STAG1: variants seen among roughly 807,000 people sequenced by gnomAD.
STAG1 encodes the protein cohesin subunit SA-1.
In STAG1, 26 loss-of-function variants were observed where a neutral mutation model predicts 170.9. The ratio of observed to expected loss-of-function variants is 0.15; its 90% CI spans 0.11 to 0.21. The LOEUF is 0.21. Among genes scored for constraint, STAG1 ranks in the 10% least tolerant of loss-of-function variants. The pLI, the probability that STAG1 is intolerant of heterozygous loss-of-function variation, is 1.00. For missense variants in STAG1, 964 were observed against 1,509.5 expected (o/e 0.64, Z 5.99); for synonymous variants, 514 against 497.7 (o/e 1.03, Z -0.44).
chr3:136,399,005 A>C (rs1170920723), intron 21 of STAG1, among the ~76,000 whole-genome samples, 176 bp from the exon 22 acceptor site: 1 of 152,204 alleles, frequency 6.6e-6, no homozygotes, highest in African/African-American at 2.4e-5. Flanking sequence ...AGGACAAACC[A>C]ATGTATCAAT....
At chr3:136,380,305 G>A (rs553590557) in intron 22 of STAG1, among the ~76,000 whole-genome samples, 1 of 151,750 alleles carries the variant, frequency 6.6e-6, no homozygotes, top group Non-Finnish European at 1.5e-5. Flanking sequence ...GCAGTGGTGC[G>A]ATCTTGGCCC....
chr3:136,549,392 C>A (rs1462021128), intron 5 of STAG1, among the ~76,000 whole-genome samples: 8 of 151,930 alleles, frequency 5.3e-5, no homozygotes, highest in Admixed American at 4.6e-4. Flanking sequence ...CTCACTGCAA[C>A]CTCCGTCTCC....
chr3:136,548,896 T>C (rs1471962887), intron 5 of STAG1, among the ~76,000 whole-genome samples: 1 of 152,160 alleles, frequency 6.6e-6, no homozygotes, highest in African/African-American at 2.4e-5. Context: ...GATCTGGTTG[T>C]TTCAAAGTGT....
chr3:136,586,614 G>A (rs886761535), intron 4 of STAG1, among the ~76,000 whole-genome samples: 2 of 152,172 alleles, frequency 1.3e-5, no homozygotes, highest in African/African-American at 2.4e-5. Context: ...TGAAGGCAGT[G>A]AATGCTCTTC....
At chr3:136,676,903 G>A (rs1942143820) in intron 1 of STAG1, among the ~76,000 whole-genome samples, 1 of 151,682 alleles carries the variant, frequency 6.6e-6, no homozygotes. Context: ...TAAGGCACAG[G>A]CATACACATT....
chr3:136,389,351 G>C (rs111915749), intron 22 of STAG1, among the ~76,000 whole-genome samples: 178 of 152,078 alleles, frequency 1.2e-3, no homozygotes, highest in African/African-American at 2.5e-3. Flanking sequence ...ACTCTGTCAC[G>C]CAGGGTGGAG....
At position 136,623,190 on chromosome 3, in the gene STAG1, C is replaced by T. The variant is rs1939942636; in HGVS notation, c.88G>A (p.Glu30Lys). The change falls in exon 3 of 34, where the codon GAG becomes AAG. Residue 30 changes from glutamate (E) to lysine (K), a missense_variant. Around this residue, in one of 11 missense-constraint regions of STAG1, gnomAD observed 108 missense variants for 120.2 expected, o/e 0.90. Coordinates refer to ENST00000383202, the MANE Select transcript of STAG1 (RefSeq NM_005862.3). ...CCCCTTTTTCTTTTTCCTTTGACCTCTGTTTCTTCAAGCTCGCTGCCAGCA... is the reference window on the plus strand; with the variant it reads ...CCCCTTTTTCTTTTTCCTTTGACCTTTGTTTCTTCAAGCTCGCTGCCAGCA... The part of the protein sequence containing the change: ...SDAGSELEET[E>K]VKGKRKRGRP... 1.9e-6 allele frequency: 3 copies of T among 1,613,844 alleles called. No homozygotes were observed. In the African/African-American group the frequency reaches 4.0e-5, roughly 22 times the overall value.
intron 13 of STAG1, among the ~76,000 whole-genome samples, chr3:136,457,519 G>A (rs905692570): frequency 6.6e-6 from 1 of 152,126 alleles, no homozygotes; most frequent in East Asian, 1.9e-4. Context: ...CCCAGAGCTC[G>A]GGGCCTTCGC....
At chr3:136,649,442 G>A (rs1156704085) in intron 1 of STAG1, among the ~76,000 whole-genome samples, 1 of 144,018 alleles carries the variant, frequency 6.9e-6, no homozygotes, top group Non-Finnish European at 1.5e-5. Flanking sequence ...TGGCGCCACT[G>A]TACTCCAGCC....
intron 1 of STAG1, among the ~76,000 whole-genome samples, chr3:136,698,493 CA>C (rs1553768024): frequency 3.0e-5 from 2 of 66,910 alleles, no homozygotes; most frequent in Non-Finnish European, 6.3e-5. Context: ...AAAAAACCAA[CA>C]AACAGAGGAG....
intron 25 of STAG1, among the ~76,000 whole-genome samples, chr3:136,366,581 A>G (rs1937080716): frequency 2.0e-5 from 3 of 152,150 alleles, no homozygotes; most frequent in Admixed American, 6.6e-5. Context: ...AAAAGAGAAC[A>G]TTCTCTCTGA....
intron 1 of STAG1, among the ~76,000 whole-genome samples, chr3:136,734,157 T>C (rs1934207175): frequency 6.6e-6 from 1 of 151,670 alleles, no homozygotes; most frequent in African/African-American, 2.4e-5. Context: ...AAAAAAATTT[T>C]CTGCACACTT....
At chr3:136,345,359 G>T (rs1220185558) in intron 29 of STAG1, among the ~76,000 whole-genome samples, 1 of 152,052 alleles carries the variant, frequency 6.6e-6, no homozygotes, top group Non-Finnish European at 1.5e-5. Context: ...AGAATGCTGG[G>T]ATTACAGGTG....
At chr3:136,600,416 T>C (rs1185374572) in intron 4 of STAG1, among the ~76,000 whole-genome samples, 2 of 152,234 alleles carry the variant, frequency 1.3e-5, no homozygotes, top group African/African-American at 4.8e-5. Context: ...CTATAAAGCA[T>C]ATGCTTTTCT....
chr3:136,623,031 G>T (rs1291954201), intron 3 of STAG1, 115 bp downstream of exon 3: 7 of 814,114 alleles, frequency 8.6e-6, no homozygotes, highest in South Asian at 7.5e-5. Flanking sequence ...AATCTCTATT[G>T]TGTCACTGAA....
chr3:136,655,103 C>A (rs1027055626), intron 1 of STAG1, among the ~76,000 whole-genome samples: 1 of 152,130 alleles, frequency 6.6e-6, no homozygotes, highest in African/African-American at 2.4e-5. Context: ...AGAACAACAT[C>A]GGCACAGACA....
At chr3:136,388,731 T>C (rs1222227693) in intron 22 of STAG1, among the ~76,000 whole-genome samples, 1 of 152,136 alleles carries the variant, frequency 6.6e-6, no homozygotes, top group African/African-American at 2.4e-5. Flanking sequence ...AACTAGTAAC[T>C]GTTACTTATT....
At chr3:136,668,520 G>A (rs1941886057) in intron 1 of STAG1, among the ~76,000 whole-genome samples, 1 of 151,292 alleles carries the variant, frequency 6.6e-6, no homozygotes, top group African/African-American at 2.4e-5. Context: ...TGTGAGAAAT[G>A]CCTACGAAGA....
At chr3:136,355,351 TA>T (rs370605205) in intron 28 of STAG1, among the ~76,000 whole-genome samples, 9,004 of 29,616 alleles carry the variant, frequency 0.3, 477 homozygotes, top group East Asian at 0.49. Context: ...GACTCCATCT[TA>T]AAAAAAAAAA....
Sources: gnomAD v4.1 joint callset for allele counts (sites outside exome capture counted in the v4.1 genomes callset) on GRCh38, gnomAD v4.1.1 for gene constraint, gnomAD v4.1.1 regional missense constraint, MANE v1.5 for transcripts, NCBI Gene and HGNC (gene_info 2026-07-23, HGNC 2026-07-21) for gene names.